The following EYS variants were observed in gnomAD, a reference collection of about 807,000 sequenced individuals.
EYS encodes EGF-like photoreceptor maintenance factor, also known as protein eyes shut homolog.
EYS carries 250 observed loss-of-function variants against 282.1 expected under a neutral mutation model. That is an observed-to-expected ratio of 0.89 (90% CI 0.80 to 0.98). EYS has a LOEUF of 0.98. Among genes scored for constraint, EYS ranks in the 50% least tolerant of loss-of-function variants. The pLI is 0.00. For synonymous variants in EYS, 1,355 were observed against 1,282.9 expected, an observed-to-expected ratio of 1.06 and a Z score of -1.20; for missense variants, 4,016 against 3,709.0, an observed-to-expected ratio of 1.08 and a Z score of -2.15.
At chr6:65,093,370 A>G (rs1774630931) in intron 12 of EYS, among the ~76,000 whole-genome samples, 1 of 152,044 alleles carries the variant, frequency 6.6e-6, no homozygotes, top group African/African-American at 2.4e-5. Context: ...TAGAAAAAAC[A>G]AGAATACTGT....
At chr6:65,651,892 A>G (rs1767661298) in intron 1 of EYS, among the ~76,000 whole-genome samples, 1 of 152,092 alleles carries the variant, frequency 6.6e-6, no homozygotes, top group African/African-American at 2.4e-5. Flanking sequence ...GGGATAATTT[A>G]TTATGCAGTA....
intron 5 of EYS, among the ~76,000 whole-genome samples, chr6:65,480,272 A>G (rs1765560644): frequency 6.6e-6 from 1 of 152,138 alleles, no homozygotes; most frequent in East Asian, 1.9e-4. Flanking sequence ...GGACATATAC[A>G]GTTTTTCTAC....
intron 22 of EYS, among the ~76,000 whole-genome samples, chr6:64,706,623 A>T (rs1005690945): frequency 1.3e-5 from 2 of 152,140 alleles, no homozygotes; most frequent in Non-Finnish European, 2.9e-5. Context: ...AAGAAAAAAA[A>T]CAAACAATTC....
intron 28 of EYS, among the ~76,000 whole-genome samples, chr6:64,399,962 T>C (rs1265047640): frequency 6.6e-6 from 1 of 151,942 alleles, no homozygotes; most frequent in African/African-American, 2.4e-5. Flanking sequence ...TTCCTTAAGA[T>C]TTTCTGCAGA....
chr6:63,793,375 G>A (rs1412235869), intron 37 of EYS, among the ~76,000 whole-genome samples: 4 of 152,186 alleles, frequency 2.6e-5, no homozygotes, highest in African/African-American at 4.8e-5. Context: ...AGTTAACTTA[G>A]ATTTGTGTAG....
chr6:64,981,358 T>C (rs758776748), intron 14 of EYS, among the ~76,000 whole-genome samples: 48 of 151,352 alleles, frequency 3.2e-4, no homozygotes, highest in Non-Finnish European at 5.6e-4. Flanking sequence ...AAAATCAAAG[T>C]TTGTATGATA....
rs1771319464 is a variant in EYS, at chr6:64,997,771, T to G, written c.2138-68A>C. 4 of 1,400,072 alleles carry G rather than the reference T, an allele frequency of 2.9e-6. No homozygotes were observed. The South Asian group carries it at 5.7e-5, about 20-fold the overall frequency. The allele number at this position is 1,400,072 out of a possible 1,614,324, so 86.7% of individuals were successfully genotyped here. A position where few individuals can be genotyped will look rare whatever the true frequency, so the allele number is the denominator to read the frequency against. ...CCTTAGTACAGGTAATTATAATTAG[T>G]CTAAAATTCTATAATCATTTATGTA... On this transcript the variant is annotated intron_variant, in intron 13 of 42. Transcript: ENST00000503581.
intron 1 of EYS, among the ~76,000 whole-genome samples, chr6:65,665,528 A>T (rs797019264): frequency 2.0e-5 from 3 of 152,154 alleles, no homozygotes; most frequent in African/African-American, 7.2e-5. Context: ...GCTTAGCATC[A>T]TGCATGGCAT....
chr6:65,146,034 AATTT>A (rs1009734399), intron 12 of EYS, among the ~76,000 whole-genome samples: 1 of 151,778 alleles, frequency 6.6e-6, no homozygotes, highest in Non-Finnish European at 1.5e-5. Context: ...ATGAATTCAG[AATTT>A]ATTTCAGGTA....
intron 26 of EYS, among the ~76,000 whole-genome samples, chr6:64,546,239 T>G (rs1764863379): frequency 6.6e-6 from 1 of 152,172 alleles, no homozygotes; most frequent in Non-Finnish European, 1.5e-5. Context: ...CCATCTGATC[T>G]TTGACAAACC....
intron 5 of EYS, among the ~76,000 whole-genome samples, chr6:65,441,872 T>A (rs562845211): frequency 6.6e-6 from 1 of 152,042 alleles, no homozygotes; most frequent in Non-Finnish European, 1.5e-5. Context: ...CTCAGACATA[T>A]CAAGGAATGA....
chr6:65,320,188 T>C (rs1359263692), intron 11 of EYS, among the ~76,000 whole-genome samples: 1 of 151,172 alleles, frequency 6.6e-6, no homozygotes, highest in East Asian at 1.9e-4. Flanking sequence ...GGATGGGGAC[T>C]ACATGCTGAA....
At chr6:64,867,086 C>T (rs985885264) in intron 19 of EYS, among the ~76,000 whole-genome samples, 1 of 151,752 alleles carries the variant, frequency 6.6e-6, no homozygotes, top group Non-Finnish European at 1.5e-5. Context: ...TAGAACATAG[C>T]TATCATTCAA....
chr6:64,407,926 T>G (rs535866477), intron 28 of EYS, among the ~76,000 whole-genome samples: 1 of 152,254 alleles, frequency 6.6e-6, no homozygotes, highest in African/African-American at 2.4e-5. Flanking sequence ...AGAGATGGGC[T>G]TTCACTATGT....
chr6:65,665,720 T>G (rs79572324), intron 1 of EYS, among the ~76,000 whole-genome samples: 2,587 of 152,176 alleles, frequency 0.017, 69 homozygotes, highest in East Asian at 0.048. Context: ...GTATGGAAGA[T>G]TTAGAGAATG....
chr6:63,784,934 G>A (rs2149668487), intron 39 of EYS, among the ~76,000 whole-genome samples: 1 of 152,226 alleles, frequency 6.6e-6, no homozygotes, highest in East Asian at 1.9e-4. Flanking sequence ...ATGACAGTAA[G>A]CCTGTCATTC....
rs777007815 is a variant in EYS, at chr6:65,495,073, C to T, written c.338G>A (p.Gly113Asp). The T allele has an allele frequency of 4.3e-6, 7 of 1,614,124 alleles. No individual in the cohort carries two copies. The East Asian group carries it at 1.6e-4, about 36-fold the overall frequency. ...TTCCGTTGTGGTATTTTGCACACAG[C>T]CAACGAAAGATGTTTCAGAAACATT... ...LMNVSETSFVGCVQNTTTEDQ... is the reference protein window; with the variant it reads ...LMNVSETSFVDCVQNTTTEDQ... The change falls in exon 4 of 43, where the codon GGC (glycine) becomes GAC (aspartate). Residue 113 changes from glycine (G) to aspartate (D), a missense_variant. Gly to Asp is a moderately conservative substitution (Grantham distance 94, BLOSUM62 -1). Transcript: ENST00000503581.
At chr6:65,546,391 T>A (rs1479994205) in intron 2 of EYS, among the ~76,000 whole-genome samples, 1 of 151,902 alleles carries the variant, frequency 6.6e-6, no homozygotes, top group African/African-American at 2.4e-5. Context: ...ATTTTCAAAA[T>A]GGCAAAACTG....
chr6:65,120,319 T>A (rs1286444584), intron 12 of EYS, among the ~76,000 whole-genome samples: 1 of 151,686 alleles, frequency 6.6e-6, no homozygotes, highest in Non-Finnish European at 1.5e-5. Context: ...ACACCTTTTT[T>A]TAAAATAGTT....
Sources: allele counts gnomAD v4.1 joint callset (sites outside exome capture counted in the v4.1 genomes callset), GRCh38; gene constraint gnomAD v4.1.1; transcripts MANE v1.5; gene names NCBI Gene and HGNC (gene_info 2026-07-23, HGNC 2026-07-21).